CNTN1: variants seen among roughly 807,000 people sequenced by gnomAD.
The protein encoded by CNTN1 is contactin 1.
Under a neutral mutation model 126.4 loss-of-function variants are expected in CNTN1, and 38 were observed. That is an observed-to-expected ratio of 0.30 (90% CI 0.23 to 0.39). The LOEUF (loss-of-function observed/expected upper bound fraction) is 0.39. Ranked by LOEUF, CNTN1 falls within the 10% of genes least tolerant of loss-of-function variation. CNTN1 has a pLI of 1.00. For synonymous variants in CNTN1, 413 were observed against 422.6 expected (o/e 0.98, Z 0.28); for missense variants, 1,009 against 1,248.4 (o/e 0.81, Z 2.89).
At chr12:40,941,192 A>G (rs1946253429) in intron 12 of CNTN1, among the ~76,000 whole-genome samples, 1 of 152,148 alleles carries the variant, frequency 6.6e-6, no homozygotes, top group African/African-American at 2.4e-5. Flanking sequence ...AAATTGCATT[A>G]TTTCCTTGAT....
At chr12:40,920,326 T>C (rs761394333) in intron 4 of CNTN1, among the ~76,000 whole-genome samples, 13 of 140,312 alleles carry the variant, frequency 9.3e-5, no homozygotes, top group Middle Eastern at 7.6e-3. Flanking sequence ...ACAGGCACAA[T>C]AAAAAGCAAA....
Position 41,020,416 on chromosome 12 carries a change from A to T in CNTN1, c.2499A>T (p.Leu833Phe), listed in dbSNP as rs1202835429. Residue 833 changes from leucine to phenylalanine, a missense_variant, in exon 20 of 24, where the codon TTA becomes TTT. Transcript: ENST00000551295. ...TATCTGTTCATTGGGAACATGTTTT[A>T]GAAAAAATAGTGGAAAGCTATCAGG... Reference protein sequence around the residue: ...SEISVHWEHVLEKIVESYQIR... With the variant: ...SEISVHWEHVFEKIVESYQIR... 6.2e-7 allele frequency: 1 copy of T among 1,610,502 alleles called. No homozygotes were observed. Among genetic ancestry groups the T allele is most frequent in the Non-Finnish European group, 8.5e-7 (1 of 1,177,270 alleles).
At chr12:41,016,983 G>C in intron 19 of CNTN1, 67 bp downstream of exon 19, 1 of 1,356,736 alleles carries the variant, frequency 7.4e-7, no homozygotes, top group South Asian at 1.2e-5. Context: ...CAGGCATTTA[G>C]TTTGTTTCCT....
At chr12:40,999,762 G>T (rs996511985) in intron 17 of CNTN1, among the ~76,000 whole-genome samples, 5 of 142,990 alleles carry the variant, frequency 3.5e-5, no homozygotes, top group Non-Finnish European at 6.0e-5. Context: ...GAGTGCAGTG[G>T]CAGGATCTCG....
chr12:40,731,129 G>A (rs1378850060), intron 1 of CNTN1, among the ~76,000 whole-genome samples: 1 of 151,928 alleles, frequency 6.6e-6, no homozygotes, highest in Non-Finnish European at 1.5e-5. Flanking sequence ...AATGGGAAAT[G>A]CCATTTTTAA....
At chr12:40,985,208 A>G (rs1303928478) in intron 16 of CNTN1, among the ~76,000 whole-genome samples, 1 of 152,008 alleles carries the variant, frequency 6.6e-6, no homozygotes, top group Non-Finnish European at 1.5e-5. Flanking sequence ...ACTGCTTTGA[A>G]TATGTCATCT....
At chr12:40,943,756 A>T (rs1268524713) in intron 13 of CNTN1, 32 bp downstream of exon 13, 1 of 1,609,410 alleles carries the variant, frequency 6.2e-7, no homozygotes, top group South Asian at 1.1e-5. Context: ...CTTAATTTCT[A>T]ATGTATTAAA....
rs141878151 is a variant in CNTN1 at position 40,780,523 on chromosome 12, T to A, written c.-77+87931T>A. Among the ~76,000 whole-genome samples the A allele has an allele frequency of 7.8e-3, 1,185 of 151,822 alleles. 13 individuals carry two copies. Among genetic ancestry groups the A allele is most frequent in the South Asian group, 0.018 (87 of 4,810 alleles). ...GCTACCTATCAAAATAAAATAAAAT[T>A]TGAAAGTCTTTCTTATATTTGCATG... is the stretch of plus-strand genomic sequence containing the variant. On this transcript the variant is annotated intron_variant, in intron 1 of 23. Coordinates refer to ENST00000551295, the MANE Select transcript of CNTN1 (RefSeq NM_001843.4).
intron 1 of CNTN1, among the ~76,000 whole-genome samples, chr12:40,825,998 C>T (rs1480758945): frequency 2.0e-5 from 3 of 152,036 alleles, no homozygotes; most frequent in Non-Finnish European, 4.4e-5. Flanking sequence ...ATGTGAGAAA[C>T]GATATTGGCT....
At chr12:40,737,703 A>T (rs994328248) in intron 1 of CNTN1, among the ~76,000 whole-genome samples, 1 of 151,998 alleles carries the variant, frequency 6.6e-6, no homozygotes, top group Non-Finnish European at 1.5e-5. Flanking sequence ...CACACCCAGG[A>T]TTAATACTTT....
At chr12:40,718,854 C>A (rs1284447760) in intron 1 of CNTN1, among the ~76,000 whole-genome samples, 2 of 152,054 alleles carry the variant, frequency 1.3e-5, no homozygotes, top group East Asian at 3.9e-4. Context: ...TTGAAAAGGC[C>A]TTTGTGTGCA....
intron 15 of CNTN1, among the ~76,000 whole-genome samples, chr12:40,971,118 T>C (rs544454507): frequency 6.6e-6 from 1 of 152,308 alleles, no homozygotes; most frequent in South Asian, 2.1e-4. Flanking sequence ...TTGCACTCTG[T>C]GGAATGAAAT....
At chr12:40,705,903 TA>T (rs1003657952) in intron 1 of CNTN1, among the ~76,000 whole-genome samples, 5 of 151,914 alleles carry the variant, frequency 3.3e-5, no homozygotes, top group African/African-American at 1.2e-4. Flanking sequence ...CTGCATGCTT[TA>T]ACAACCAGAT....
chr12:41,042,841 T>A (rs1053590899), intron 23 of CNTN1, among the ~76,000 whole-genome samples: 2 of 151,878 alleles, frequency 1.3e-5, no homozygotes, highest in Non-Finnish European at 2.9e-5. Context: ...TCAGAAATAA[T>A]GCCGCATATC....
At chr12:40,758,255 TG>T (rs2136410602) in intron 1 of CNTN1, among the ~76,000 whole-genome samples, 1 of 151,960 alleles carries the variant, frequency 6.6e-6, no homozygotes, top group African/African-American at 2.4e-5. Flanking sequence ...ATACAGTAGT[TG>T]ATTTCTATTT....
intron 1 of CNTN1, among the ~76,000 whole-genome samples, chr12:40,721,641 G>T (rs1942217154): frequency 6.7e-6 from 1 of 148,168 alleles, no homozygotes; most frequent in African/African-American, 2.5e-5. Context: ...ATGCTGGTGT[G>T]CTGCACCCAT....
chr12:40,758,176 G>C (rs1009910085), intron 1 of CNTN1, among the ~76,000 whole-genome samples: 1 of 150,638 alleles, frequency 6.6e-6, no homozygotes, highest in African/African-American at 2.4e-5. Context: ...ATGCCATTCT[G>C]TAATCACATC....
At chr12:40,718,049 A>G (rs1047893651) in intron 1 of CNTN1, among the ~76,000 whole-genome samples, 1 of 152,170 alleles carries the variant, frequency 6.6e-6, no homozygotes, top group African/African-American at 2.4e-5. Context: ...AATTGGGTCT[A>G]TTTAGTTTCT....
intron 1 of CNTN1, among the ~76,000 whole-genome samples, chr12:40,778,654 C>A (rs1939679419): frequency 6.6e-6 from 1 of 151,538 alleles, no homozygotes; most frequent in South Asian, 2.1e-4. Flanking sequence ...ACGAACAATC[C>A]CTTAGGTTTT....
Sources: allele counts gnomAD v4.1 joint callset (sites outside exome capture counted in the v4.1 genomes callset), GRCh38; gene constraint gnomAD v4.1.1; transcripts MANE v1.5; gene names NCBI Gene and HGNC (gene_info 2026-07-23, HGNC 2026-07-21).